Variants in CLPB observed in about 807,000 individuals in gnomAD.
The protein encoded by CLPB is mitochondrial disaggregase.
In CLPB, 40 loss-of-function variants were observed where a neutral mutation model predicts 78.4. That is an observed-to-expected ratio of 0.51 (90% confidence interval 0.40 to 0.66). The LOEUF (loss-of-function observed/expected upper bound fraction) is 0.66, where lower values mean the gene tolerates loss of function less well. Ranked by LOEUF, CLPB falls within the 30% of genes least tolerant of loss-of-function variation. The pLI is 0.00. For missense variants in CLPB, 780 were observed against 886.9 expected (o/e 0.88, Z 1.53); for synonymous variants, 333 against 348.0 (o/e 0.96, Z 0.48).
At chr11:72,351,797 C>G (rs938046798) in intron 5 of CLPB, among the ~76,000 whole-genome samples, 2 of 152,024 alleles carry the variant, frequency 1.3e-5, no homozygotes, top group South Asian at 2.1e-4. Context: ...GTCTTGAACT[C>G]CTGACCTCAG....
chr11:72,388,517 C>T (rs928472856), intron 3 of CLPB, among the ~76,000 whole-genome samples: 1 of 152,092 alleles, frequency 6.6e-6, no homozygotes, highest in African/African-American at 2.4e-5. Context: ...TCCCAAAGTG[C>T]TAGGATTACA....
At position 72,338,900 on chromosome 11, in the gene CLPB, C is replaced by T. The variant is rs148950245; in HGVS notation, c.776-9096G>A. ...TAGGCCAAATGTGGACTTCATGAGA[C>T]ATCTGATGGGATGTCTCAGGATAAT... On this transcript the variant is annotated intron_variant, in intron 5 of 15. Coordinates refer to ENST00000538039, the MANE Select transcript of CLPB (RefSeq NM_001258392.3). 3.9e-5 allele frequency among the ~76,000 whole-genome samples: 6 copies of T among 152,298 alleles called. No individual in the cohort carries two copies. The East Asian group carries it at 1.2e-3, about 29-fold the overall frequency.
chr11:72,369,518 G>A (rs530008266), intron 4 of CLPB, among the ~76,000 whole-genome samples: 5 of 152,068 alleles, frequency 3.3e-5, no homozygotes, highest in East Asian at 1.9e-4. Flanking sequence ...TTTGCCTCTC[G>A]GCAGCTATGC....
At chr11:72,397,295 T>A (rs1386611412) in intron 3 of CLPB, among the ~76,000 whole-genome samples, 1 of 152,232 alleles carries the variant, frequency 6.6e-6, no homozygotes, top group African/African-American at 2.4e-5. Flanking sequence ...TTGCATTATA[T>A]CCAGTTTTTG....
chr11:72,428,150 G>C (rs1043767968), intron 2 of CLPB, among the ~76,000 whole-genome samples: 14 of 152,186 alleles, frequency 9.2e-5, no homozygotes, highest in Non-Finnish European at 1.9e-4. Context: ...GCAGTGCCCA[G>C]CAGAGGCCCA....
At chr11:72,401,797 C>T (rs1483230911) in intron 3 of CLPB, among the ~76,000 whole-genome samples, 6 of 152,108 alleles carry the variant, frequency 3.9e-5, no homozygotes, top group Non-Finnish European at 7.4e-5. Context: ...CCTTTTTGCT[C>T]TTAATTCTTT....
intron 13 of CLPB, 45 bp downstream of exon 13, chr11:72,294,575 C>T: frequency 6.2e-7 from 1 of 1,608,188 alleles, no homozygotes; most frequent in Non-Finnish European, 8.5e-7. Flanking sequence ...ATCACCCTCC[C>T]CCAACCTTAG....
At chr11:72,298,135 T>C (rs1949589873) in intron 11 of CLPB, among the ~76,000 whole-genome samples, 1 of 152,144 alleles carries the variant, frequency 6.6e-6, no homozygotes, top group African/African-American at 2.4e-5. Flanking sequence ...CTCTGGGGAC[T>C]AGTCTCTTTC....
chr11:72,372,809 G>T, intron 4 of CLPB: 1 of 905,816 alleles, frequency 1.1e-6, no homozygotes, highest in South Asian at 1.4e-5. Context: ...GTTAGGCTGG[G>T]CACACAGTGG....
rs572144532 is a variant in CLPB at position 72,420,866 on chromosome 11, C to T, written c.455+9446G>A. Among the ~76,000 whole-genome samples the T allele has an allele frequency of 1.1e-4, 17 of 152,262 alleles. No individual in the cohort carries two copies. In the East Asian group the frequency reaches 1.7e-3, roughly 16 times the overall value. ...ATACAAATGAAGGCCATTAAAAAAA[C>T]TGGGTCTACCCAGCAGAACGCAGTG... is the stretch of plus-strand genomic sequence containing the variant. On this transcript the variant is annotated intron_variant, in intron 2 of 15. Coordinates refer to ENST00000538039, the MANE Select transcript of CLPB (RefSeq NM_001258392.3).
intron 4 of CLPB, among the ~76,000 whole-genome samples, chr11:72,371,838 T>C (rs1000438852): frequency 6.6e-6 from 1 of 152,240 alleles, no homozygotes; most frequent in African/African-American, 2.4e-5. Flanking sequence ...TGTCATTTTA[T>C]TTCCTTGACT....
At chr11:72,426,483 C>A (rs965094735) in intron 2 of CLPB, among the ~76,000 whole-genome samples, 1 of 151,742 alleles carries the variant, frequency 6.6e-6, no homozygotes, top group South Asian at 2.1e-4. Context: ...TTCTGAGGAA[C>A]CAGAGATGGA....
intron 6 of CLPB, among the ~76,000 whole-genome samples, chr11:72,322,518 G>A (rs577491514): frequency 9.2e-5 from 14 of 152,278 alleles, no homozygotes; most frequent in African/African-American, 3.4e-4. Context: ...TGAGCCATGT[G>A]CCCAGCCTTG....
intron 3 of CLPB, among the ~76,000 whole-genome samples, chr11:72,386,969 T>C (rs1383739911): frequency 6.6e-6 from 1 of 152,152 alleles, no homozygotes; most frequent in Non-Finnish European, 1.5e-5. Flanking sequence ...AAAAGGCAGA[T>C]ACAGATAGGC....
intron 6 of CLPB, among the ~76,000 whole-genome samples, chr11:72,323,992 T>G (rs1950089146): frequency 6.6e-6 from 1 of 152,078 alleles, no homozygotes; most frequent in East Asian, 1.9e-4. Context: ...ACATAAATAA[T>G]AAAGCAAGTA....
chr11:72,293,547 A>G lies in CLPB; in HGVS notation c.1854T>C (p.Thr618=), dbSNP rs1323485256. The G allele has an allele frequency of 6.2e-7, 1 of 1,613,964 alleles. No individual in the cohort carries two copies. The highest frequency in any genetic ancestry group is 1.1e-5 in the South Asian group (1 of 91,064). The part of the protein sequence containing the change: ...YEQDLLPGGC[T]LRITVEDSDK... Reference sequence around the variant, plus strand: ...CTGAGTCCTCCACCGTGATGCGCAAAGTACAGCCCCCTGGCAGCAGGTCCT... The same window carrying G: ...CTGAGTCCTCCACCGTGATGCGCAAGGTACAGCCCCCTGGCAGCAGGTCCT... The change falls in exon 16 of 16, where the codon ACT becomes ACC. Residue 618 remains threonine, a synonymous_variant. Transcript: ENST00000538039.
intron 3 of CLPB, among the ~76,000 whole-genome samples, chr11:72,387,069 T>A (rs60900819): frequency 0.031 from 4,655 of 152,286 alleles, 227 homozygotes; most frequent in African/African-American, 0.097. Flanking sequence ...TCTGGGATGA[T>A]CAGAGCATCA....
In CLPB at chr11:72,287,645, T is replaced by G. The variant is rs549493371; in HGVS notation, c.*5722A>C. 4.6e-5 allele frequency: 7 copies of G among 152,352 alleles called. No homozygotes were observed. The highest frequency in any genetic ancestry group is 3.9e-4 in the Admixed American group (6 of 15,304). The allele number at this position is 152,352 out of a possible 1,614,324, so 9.4% of individuals were successfully genotyped here. A position where few individuals can be genotyped will look rare whatever the true frequency, so the allele number is the denominator to read the frequency against. ...ATCTTTTACAAGGATAAAATTTTAT[T>G]TATTTTTCACCATCTTATGGTGCTC... is the stretch of plus-strand genomic sequence containing the variant. On this transcript the variant is annotated 3_prime_UTR_variant, in exon 16 of 16. Transcript: ENST00000538039.
In CLPB at chr11:72,289,500, T is replaced by C. The variant is rs1340567659; in HGVS notation, c.*3867A>G. 6.6e-6 allele frequency: 1 copy of C among 152,162 alleles called. No homozygotes were observed. The highest frequency in any genetic ancestry group is 2.4e-5 in the African/African-American group (1 of 41,440). 9.4% of individuals were successfully genotyped at this position (152,162 alleles called of 1,614,324 possible). A position where few individuals can be genotyped will look rare whatever the true frequency, so the allele number is the denominator to read the frequency against. ...AGGAGAAAAAGCAGAAAAAGAATAG[T>C]AAGGTTATAAAAATGGCAGTCGCAA... On this transcript the variant is annotated 3_prime_UTR_variant, in exon 16 of 16. Coordinates refer to ENST00000538039, the MANE Select transcript of CLPB (RefSeq NM_001258392.3).
Sources: allele counts gnomAD v4.1 joint callset (sites outside exome capture counted in the v4.1 genomes callset), GRCh38; gene constraint gnomAD v4.1.1; transcripts MANE v1.5; gene names NCBI Gene and HGNC (gene_info 2026-07-23, HGNC 2026-07-21).